The following HERC1 variants were observed in gnomAD, a reference collection of about 807,000 sequenced individuals.
HERC1 encodes probable E3 ubiquitin-protein ligase HERC1.
A neutral mutation model predicts 554.3 loss-of-function variants in HERC1; 160 were observed. The ratio of observed to expected loss-of-function variants is 0.29; its 90% CI spans 0.25 to 0.33. The LOEUF (loss-of-function observed/expected upper bound fraction) is 0.33. Ranked by LOEUF, HERC1 falls within the 10% of genes least tolerant of loss-of-function variation. HERC1 has a pLI of 1.00. For missense variants in HERC1, 4,919 were observed against 5,918.5 expected (o/e 0.83, Z 5.54); for synonymous variants, 2,175 against 2,131.7 (o/e 1.02, Z -0.56).
chr15:63,619,752 T>C (rs1346886983), intron 74 of HERC1, among the ~76,000 whole-genome samples: 1 of 152,222 alleles, frequency 6.6e-6, no homozygotes, highest in Non-Finnish European at 1.5e-5. Context: ...AATTTATCCA[T>C]TTCTTCTAGA....
Position 63,727,392 on chromosome 15 carries a change from T to C in HERC1, c.3346+255A>G, listed in dbSNP as rs2074085228. Among the ~76,000 whole-genome samples the C allele has an allele frequency of 6.6e-6, 1 of 152,194 alleles. No individual in the cohort carries two copies. Among genetic ancestry groups the C allele is most frequent in the Non-Finnish European group, 1.5e-5 (1 of 68,026 alleles). ...TAAGTGACACTTGATCACTGAACTG[T>C]ATAATGTTAAAATAAGATAGGCCCT... On this transcript the variant is annotated intron_variant, in intron 17 of 77. Coordinates refer to ENST00000443617, the MANE Select transcript of HERC1 (RefSeq NM_003922.4). This position sits in a 1 kb window ranked among gnomAD's most constrained non-coding sequence, Gnocchi z 4.3.
At chr15:63,810,062 A>C (rs1238875376) in intron 1 of HERC1, among the ~76,000 whole-genome samples, 5 of 152,208 alleles carry the variant, frequency 3.3e-5, no homozygotes, top group Non-Finnish European at 7.3e-5. Flanking sequence ...ATTAAAATGA[A>C]TGAGGAAGAT....
chr15:63,675,867 T>C (rs2071172917), intron 37 of HERC1, among the ~76,000 whole-genome samples: 1 of 151,938 alleles, frequency 6.6e-6, no homozygotes, highest in South Asian at 2.1e-4. Flanking sequence ...CTTGTTTTAA[T>C]TTATTAATTC....
At chr15:63,830,833 G>C (rs1453923189) in intron 1 of HERC1, among the ~76,000 whole-genome samples, 1 of 152,146 alleles carries the variant, frequency 6.6e-6, no homozygotes, top group East Asian at 1.9e-4. Context: ...CATTAATTTA[G>C]AGAGCCCGGT....
chr15:63,681,612 G>T (rs924462488), intron 34 of HERC1, among the ~76,000 whole-genome samples: 2 of 151,868 alleles, frequency 1.3e-5, no homozygotes, highest in African/African-American at 4.8e-5. Flanking sequence ...CTTCCCCTAC[G>T]TGATAAAGGT....
chr15:63,754,972 G>A (rs1429667584), intron 6 of HERC1, among the ~76,000 whole-genome samples: 1 of 152,024 alleles, frequency 6.6e-6, no homozygotes, highest in Admixed American at 6.6e-5. Context: ...GATCATGATG[G>A]TATTGCTTTT....
Position 63,645,681 on chromosome 15 carries a change from T to A in HERC1, c.10880A>T (p.Asp3627Val), listed in dbSNP as rs974513406. 1.3e-6 allele frequency: 2 copies of A among 1,536,840 alleles called. No homozygotes were observed. The highest frequency in any genetic ancestry group is 2.8e-5 in the African/African-American group (2 of 72,132). The change falls in exon 56 of 78, where the codon GAT (aspartate) becomes GTT (valine). Residue 3627 changes from aspartate to valine, a missense_variant and splice_region_variant. Coordinates refer to ENST00000443617, the MANE Select transcript of HERC1 (RefSeq NM_003922.4). The part of the protein sequence containing the change: ...GGIVLIDAHK[D>V]TLISMKWDPT... ...GTCCCACTTCATGCTAATAAGAGTA[T>A]CCTTAAAATGGAAGGAAGAGAAAAA...
At position 63,677,987 on chromosome 15, in the gene HERC1, T is replaced by C. The variant is rs552059389; in HGVS notation, c.6928A>G (p.Ile2310Val). ...CIEVWPVLAVIGGVDAGLRVG... is the reference protein window; with the variant it reads ...CIEVWPVLAVVGGVDAGLRVG... ...CTAAGACCAGCATCAACTCCTCCTA[T>C]CACAGCCAGCACGGGCCACACCTCT... is the stretch of plus-strand genomic sequence containing the variant. The change falls in exon 37 of 78, where the codon ATA becomes GTA. Residue 2310 changes from isoleucine (I) to valine (V), a missense_variant. By Grantham distance (29) the Ile-to-Val change is conservative. Transcript: ENST00000443617. This position sits in a 1 kb window ranked among gnomAD's most constrained non-coding sequence, Gnocchi z 4.4. 5.0e-6 allele frequency: 8 copies of C among 1,613,984 alleles called. No individual in the cohort carries two copies. In the South Asian group the frequency reaches 8.8e-5, roughly 18 times the overall value.
chr15:63,628,574 T>A, intron 70 of HERC1, 103 bp downstream of exon 70: 8 of 1,244,462 alleles, frequency 6.4e-6, no homozygotes, highest in Non-Finnish European at 8.7e-6. Flanking sequence ...GCTTGATGGT[T>A]TCACAACGAT....
intron 45 of HERC1, among the ~76,000 whole-genome samples, chr15:63,661,480 C>T (rs772864461): frequency 2.6e-5 from 4 of 152,050 alleles, no homozygotes; most frequent in African/African-American, 9.7e-5. Context: ...TGAGTAGAAG[C>T]CTCCTGAGGG....
Position 63,799,312 on chromosome 15 carries a change from G to A in HERC1, c.-26-23663C>T, listed in dbSNP as rs754061001. Among the ~76,000 whole-genome samples the A allele has an allele frequency of 7.6e-4, 116 of 152,100 alleles. 1 individual carries two copies. Among genetic ancestry groups the A allele is most frequent in the Non-Finnish European group, 1.2e-3 (84 of 67,974 alleles). Reference sequence around the variant, plus strand: ...GCCCAGGAGTTTGAGACCAGCCTGGGAAATATGGCAAAACCCTGTCTCTCC... The same window carrying A: ...GCCCAGGAGTTTGAGACCAGCCTGGAAAATATGGCAAAACCCTGTCTCTCC... On this transcript the variant is annotated intron_variant, in intron 1 of 77. Transcript: ENST00000443617.
intron 55 of HERC1, among the ~76,000 whole-genome samples, chr15:63,647,289 A>C (rs1026662536): frequency 5.9e-5 from 9 of 151,330 alleles, no homozygotes; most frequent in Middle Eastern, 6.8e-3. Flanking sequence ...AAAAAAAAAA[A>C]CACAATGAGA....
Position 63,801,432 on chromosome 15 carries a change from G to A in HERC1, c.-26-25783C>T, listed in dbSNP as rs536774670. 2.6e-5 allele frequency among the ~76,000 whole-genome samples: 4 copies of A among 152,266 alleles called. No homozygotes were observed. In the South Asian group the frequency reaches 8.3e-4, roughly 32 times the overall value. Reference sequence around the variant, plus strand: ...AAATGAACTGCAGGGACAGCCCGTTGGTATCTGGAAAGTTGAAGAACTGAT... The same window carrying A: ...AAATGAACTGCAGGGACAGCCCGTTAGTATCTGGAAAGTTGAAGAACTGAT... On this transcript the variant is annotated intron_variant, in intron 1 of 77. Coordinates refer to ENST00000443617, the MANE Select transcript of HERC1 (RefSeq NM_003922.4).
intron 1 of HERC1, among the ~76,000 whole-genome samples, chr15:63,817,340 GAGAT>G (rs1264379549): frequency 1.3e-5 from 2 of 152,116 alleles, no homozygotes; most frequent in African/African-American, 2.4e-5. Flanking sequence ...GCTATAAAAA[GAGAT>G]AGACACTCTT....
chr15:63,623,639 A>T (rs1298317945), intron 73 of HERC1, 86 bp downstream of exon 73: 52 of 1,275,586 alleles, frequency 4.1e-5, no homozygotes, highest in Non-Finnish European at 3.8e-5. Flanking sequence ...ATTTATAAAA[A>T]CATGCCTGGC....
chr15:63,755,095 T>C (rs1044008463), intron 6 of HERC1, 134 bp downstream of exon 6: 14 of 648,570 alleles, frequency 2.2e-5, no homozygotes, highest in Non-Finnish European at 3.5e-5. Context: ...CTATATAAAA[T>C]TATCTTCCTC....
Position 63,644,216 on chromosome 15 carries a change from C to G in HERC1, c.11185-666G>C, listed in dbSNP as rs533407236. Among the ~76,000 whole-genome samples the G allele has an allele frequency of 1.1e-4, 17 of 152,342 alleles. No homozygotes were observed. The South Asian group carries it at 1.2e-3, about 11-fold the overall frequency. On this transcript the variant is annotated intron_variant, in intron 57 of 77. Transcript: ENST00000443617. ...GACAACATAATACTATATGTATTCA[C>G]TACCCAAAGATGATGTAAAGTGTAT...
chr15:63,646,627 C>A (rs1318561488), intron 55 of HERC1, among the ~76,000 whole-genome samples: 1 of 151,508 alleles, frequency 6.6e-6, no homozygotes, highest in Non-Finnish European at 1.5e-5. Context: ...TGGTGAAACC[C>A]CGTCTCTAGT....
chr15:63,720,875 A>T (rs1201885698), intron 19 of HERC1, among the ~76,000 whole-genome samples: 1 of 152,238 alleles, frequency 6.6e-6, no homozygotes, highest in Non-Finnish European at 1.5e-5. Context: ...TGCCATTTTT[A>T]AAATAATGGG....
Sources: gnomAD v4.1 joint callset for allele counts (sites outside exome capture counted in the v4.1 genomes callset) on GRCh38, gnomAD v4.1.1 for gene constraint, Gnocchi (gnomAD v3.1) non-coding constraint, MANE v1.5 for transcripts, NCBI Gene and HGNC (gene_info 2026-07-23, HGNC 2026-07-21) for gene names.